TUBD1: variants seen among roughly 807,000 people sequenced by gnomAD.
The protein encoded by TUBD1 is tubulin delta 1, also known as tubulin delta chain.
In TUBD1, 38 loss-of-function variants were observed where a neutral mutation model predicts 51.2. That is an observed-to-expected ratio of 0.74 (90% CI 0.57 to 0.97). The LOEUF (loss-of-function observed/expected upper bound fraction) is 0.97. Among genes scored for constraint, TUBD1 ranks in the 50% least tolerant of loss-of-function variants. TUBD1 has a pLI of 0.00. For synonymous variants in TUBD1, 169 were observed against 178.2 expected (o/e 0.95, Z 0.41); for missense variants, 489 against 538.4 (o/e 0.91, Z 0.91).
chr17:59,862,803 C>A (rs2039521336), intron 8 of TUBD1, among the ~76,000 whole-genome samples: 1 of 144,202 alleles, frequency 6.9e-6, no homozygotes, highest in Admixed American at 7.3e-5. Context: ...CGGCTCACTG[C>A]AAGCTCCGCC....
At chr17:59,867,022 T>G (rs1479128438) in intron 6 of TUBD1, among the ~76,000 whole-genome samples, 1 of 152,176 alleles carries the variant, frequency 6.6e-6, no homozygotes, top group African/African-American at 2.4e-5. Flanking sequence ...CTCGAACTCC[T>G]GACCTCGAAT....
intron 4 of TUBD1, among the ~76,000 whole-genome samples, chr17:59,880,019 C>T (rs1254844729): frequency 6.6e-6 from 1 of 152,028 alleles, no homozygotes; most frequent in Non-Finnish European, 1.5e-5. Context: ...TCCCAAAGTG[C>T]TGGGATTACA....
chr17:59,861,157 T>C (rs1338420060), intron 8 of TUBD1, among the ~76,000 whole-genome samples: 1 of 151,584 alleles, frequency 6.6e-6, no homozygotes, highest in African/African-American at 2.4e-5. Context: ...TTTGTAGTTA[T>C]GCCAGGGTGG....
At chr17:59,868,409 G>A (rs1448233212) in intron 6 of TUBD1, among the ~76,000 whole-genome samples, 6 of 151,102 alleles carry the variant, frequency 4.0e-5, no homozygotes, top group South Asian at 2.1e-4. Context: ...AAATCTTTAC[G>A]TAGAGGCCAG....
At chr17:59,875,297 G>A (rs533271584) in intron 5 of TUBD1, among the ~76,000 whole-genome samples, 5 of 151,142 alleles carry the variant, frequency 3.3e-5, no homozygotes, top group South Asian at 4.2e-4. Flanking sequence ...GGATGGTCTC[G>A]ATCCCCTGAT....
intron 2 of TUBD1, among the ~76,000 whole-genome samples, chr17:59,888,300 T>C (rs1398005872): frequency 1.3e-5 from 2 of 152,062 alleles, no homozygotes; most frequent in Non-Finnish European, 2.9e-5. Flanking sequence ...AGGCAAGGAA[T>C]CCTAAAAGGA....
At position 59,860,402 on chromosome 17, in the gene TUBD1, T is replaced by C. The variant is rs773930448; in HGVS notation, c.1282A>G (p.Lys428Glu). ...AAGTCCTCTTCTTCGATTCCAAATT[T>C]TGTGTACTGATGAATGTAGGCTCTG... ...ASKAYIHQYT[K>E]FGIEEEDFLD... is the part of the protein sequence containing the mutation. The change falls in exon 9 of 9, where the codon AAA becomes GAA. Residue 428 changes from lysine (K) to glutamate (E), a missense_variant. Transcript: ENST00000325752. The C allele has an allele frequency of 4.3e-6, 7 of 1,611,888 alleles. No homozygotes were observed. The East Asian group carries it at 1.3e-4, about 31-fold the overall frequency.
At chr17:59,876,900 C>T (rs944020836) in intron 5 of TUBD1, among the ~76,000 whole-genome samples, 6 of 151,156 alleles carry the variant, frequency 4.0e-5, no homozygotes, top group Admixed American at 2.6e-4. Context: ...GTCTCGCTGT[C>T]GCCCAGGCAG....
chr17:59,882,895 C>T (rs985396252), intron 3 of TUBD1, among the ~76,000 whole-genome samples: 2 of 151,968 alleles, frequency 1.3e-5, no homozygotes, highest in Admixed American at 1.3e-4. Flanking sequence ...AGTGATTCTC[C>T]TGCCTTAGCT....
At chr17:59,876,548 T>G (rs1174578237) in intron 5 of TUBD1, among the ~76,000 whole-genome samples, 3 of 151,686 alleles carry the variant, frequency 2.0e-5, no homozygotes, top group African/African-American at 7.3e-5. Context: ...GTAGAGACAG[T>G]GTTTCGCCAT....
In TUBD1 at chr17:59,881,099, T is replaced by A; in HGVS notation, c.332A>T (p.His111Leu). 1 of 1,613,738 alleles carries A rather than the reference T, an allele frequency of 6.2e-7. No individual in the cohort carries two copies. Among genetic ancestry groups the A allele is most frequent in the Non-Finnish European group, 8.5e-7 (1 of 1,179,680 alleles). ...GNNWAYGYSVHGPRHEESIMN... is the reference protein window; with the variant it reads ...GNNWAYGYSVLGPRHEESIMN... ...TATAGATTCTTCATGCCTGGGTCCA[T>A]GAACAGAGTAACTATGCAATGGCAA... Residue 111 changes from histidine to leucine, a missense_variant, in exon 4 of 9, where the codon CAT (histidine) becomes CTT (leucine). Physicochemically the swap from His to Leu is moderately conservative, Grantham distance 99. Coordinates refer to ENST00000325752, the MANE Select transcript of TUBD1 (RefSeq NM_016261.4).
intron 6 of TUBD1, 21 bp downstream of exon 6, chr17:59,874,518 T>A: frequency 6.2e-7 from 1 of 1,605,140 alleles, no homozygotes; most frequent in Non-Finnish European, 8.5e-7. Flanking sequence ...GTGGGCTGCA[T>A]ATTTTTGGAC....
At position 59,887,380 on chromosome 17, in the gene TUBD1, AAAG is replaced by A. The variant is rs1428032398; in HGVS notation, c.173-1153_173-1151del. On this transcript the variant is annotated intron_variant, in intron 2 of 8. Coordinates refer to ENST00000325752, the MANE Select transcript of TUBD1 (RefSeq NM_016261.4). The stretch of plus-strand genomic sequence containing the variant: ...GTGAGACTCTGTCTCAAAAAAAAAA[AAAG>A]ACTTGTGGGAAAGATAAATACATCA... 2.0e-5 allele frequency among the ~76,000 whole-genome samples: 3 copies of A among 152,086 alleles called. No homozygotes were observed. The East Asian group carries it at 5.8e-4, about 29-fold the overall frequency.
chr17:59,866,984 G>A (rs372114467), intron 6 of TUBD1, among the ~76,000 whole-genome samples: 39 of 152,116 alleles, frequency 2.6e-4, no homozygotes, highest in African/African-American at 9.2e-4. Flanking sequence ...TAGTAGAGAC[G>A]GGGTTTCACC....
intron 8 of TUBD1, among the ~76,000 whole-genome samples, chr17:59,862,331 A>AG (rs952950091): frequency 3.3e-4 from 50 of 151,716 alleles, no homozygotes; most frequent in Middle Eastern, 3.4e-3. Context: ...CTCAAAAAAA[A>AG]AAAAGAAAAA....
chr17:59,874,609 GGT>G lies in TUBD1; in HGVS notation c.862_863del (p.Thr288HisfsTer18). 6.2e-7 allele frequency: 1 copy of G among 1,613,452 alleles called. No individual in the cohort carries two copies. The highest frequency in any genetic ancestry group is 8.5e-7 in the Non-Finnish European group (1 of 1,179,832). ...TGAGGAGGCCAGCCCAAGTAAATGT[GGT>G]GTATGCCAATGAATTCTCAGACATG... ...PHMSENSLAY[T>X]TFTWAGLLKH... On this transcript the variant is annotated frameshift_variant, in exon 6 of 9. Coordinates refer to ENST00000325752, the MANE Select transcript of TUBD1 (RefSeq NM_016261.4). LOFTEE classifies it high-confidence loss of function.
chr17:59,881,096 C>G lies in TUBD1; in HGVS notation c.335G>C (p.Gly112Ala), dbSNP rs1196228793. ...NNWAYGYSVHGPRHEESIMNI... is the reference protein window; with the variant it reads ...NNWAYGYSVHAPRHEESIMNI... ...CATTATAGATTCTTCATGCCTGGGTCCATGAACAGAGTAACTATGCAATGG... is the reference window on the plus strand; with the variant it reads ...CATTATAGATTCTTCATGCCTGGGTGCATGAACAGAGTAACTATGCAATGG... The change falls in exon 4 of 9, where the codon GGA becomes GCA. Residue 112 changes from glycine (G) to alanine (A), a missense_variant. Transcript: ENST00000325752. 2 of 1,613,582 alleles carry G rather than the reference C, an allele frequency of 1.2e-6. No homozygotes were observed. The highest frequency in any genetic ancestry group is 1.3e-5 in the African/African-American group (1 of 74,904).
rs535326817 is a variant in TUBD1 at position 59,872,869 on chromosome 17, C to T, written c.934+1670G>A. The stretch of plus-strand genomic sequence containing the variant: ...GTAACCTCTGCCTCCCGGGTTCAAG[C>T]AATTCTCCTGCCTCAGCTTCCCAGG... On this transcript the variant is annotated intron_variant, in intron 6 of 8. Coordinates refer to ENST00000325752, the MANE Select transcript of TUBD1 (RefSeq NM_016261.4). Among the ~76,000 whole-genome samples the T allele has an allele frequency of 4.6e-5, 7 of 151,830 alleles. No homozygotes were observed. In the East Asian group the frequency reaches 1.4e-3, roughly 29 times the overall value.
At chr17:59,878,051 A>G in intron 5 of TUBD1, 52 bp downstream of exon 5, 1 of 1,435,268 alleles carries the variant, frequency 7.0e-7, no homozygotes, top group South Asian at 1.2e-5. Context: ...TAAACTTTGA[A>G]GCTTTCAGAA....
Sources: gnomAD v4.1 joint callset for allele counts (sites outside exome capture counted in the v4.1 genomes callset) on GRCh38, gnomAD v4.1.1 for gene constraint, MANE v1.5 for transcripts, NCBI Gene and HGNC (gene_info 2026-07-23, HGNC 2026-07-21) for gene names.